LRRC17: variants seen among roughly 807,000 people sequenced by gnomAD.
LRRC17 encodes leucine-rich repeat-containing protein 17.
Under a neutral mutation model 41.5 loss-of-function variants are expected in LRRC17, and 33 were observed. That is an observed-to-expected ratio of 0.80 (90% confidence interval 0.60 to 1.06). LRRC17 has a LOEUF of 1.06. Ranked by LOEUF, LRRC17 falls within the 50% of genes least tolerant of loss-of-function variation. The pLI is 0.00. For missense variants in LRRC17, 491 were observed against 519.3 expected, an observed-to-expected ratio of 0.95 and a Z score of 0.53; for synonymous variants, 192 against 197.0, an observed-to-expected ratio of 0.97 and a Z score of 0.21.
intron 1 of LRRC17, among the ~76,000 whole-genome samples, chr7:102,924,425 GTA>G (rs546616352): frequency 3.3e-5 from 5 of 151,974 alleles, no homozygotes; most frequent in Non-Finnish European, 5.9e-5. Flanking sequence ...ATAAGCAAAT[GTA>G]TATTAAATGC....
chr7:102,920,936 G>A lies in LRRC17; in HGVS notation c.-141+7791G>A, dbSNP rs573971807. On this transcript the variant is annotated intron_variant, in intron 1 of 3. Coordinates refer to ENST00000339431, the MANE Select transcript of LRRC17 (RefSeq NM_001031692.3). ...TGGGAGGCCGAGGTGGGCGGATCAC[G>A]AGGTCAGGAGTTCGAGACCGGCCTG... is the stretch of plus-strand genomic sequence containing the variant. Among the ~76,000 whole-genome samples the A allele has an allele frequency of 1.1e-4, 16 of 150,840 alleles. No individual in the cohort carries two copies. The South Asian group carries it at 2.7e-3, about 26-fold the overall frequency.
rs142514439 is a variant in LRRC17 at position 102,920,956 on chromosome 7, G to A, written c.-141+7811G>A. Among the ~76,000 whole-genome samples, 571 of 151,440 alleles carry A rather than the reference G, an allele frequency of 3.8e-3. 5 individuals are homozygous for A. Among genetic ancestry groups the A allele is most frequent in the African/African-American group, 0.014 (562 of 41,296 alleles). Reference sequence around the variant, plus strand: ...ATCACGAGGTCAGGAGTTCGAGACCGGCCTGGCCAACATGATGAAACCCTG... The same window carrying A: ...ATCACGAGGTCAGGAGTTCGAGACCAGCCTGGCCAACATGATGAAACCCTG... On this transcript the variant is annotated intron_variant, in intron 1 of 3. Transcript: ENST00000339431.
At position 102,944,598 on chromosome 7, in the gene LRRC17, A is replaced by G; in HGVS notation, c.1317A>G (p.Ile439Met). ...TAKKQSVIIT[I>M]VG is the part of the protein sequence containing the mutation. ...AGAAGCAAAGCGTAATAATTACTATAGTAGGATAAGGTAGAAATTGTTCTG... is the reference window on the plus strand; with the variant it reads ...AGAAGCAAAGCGTAATAATTACTATGGTAGGATAAGGTAGAAATTGTTCTG... The change falls in exon 4 of 4, where the codon ATA (isoleucine) becomes ATG (methionine). Residue 439 changes from isoleucine (I) to methionine (M), a missense_variant. Ile to Met is a conservative substitution (Grantham distance 10, BLOSUM62 1). Coordinates refer to ENST00000339431, the MANE Select transcript of LRRC17 (RefSeq NM_001031692.3). The G allele has an allele frequency of 6.3e-7, 1 of 1,598,946 alleles. No individual in the cohort carries two copies. Among genetic ancestry groups the G allele is most frequent in the Non-Finnish European group, 8.5e-7 (1 of 1,175,168 alleles).
chr7:102,926,144 T>C, intron 1 of LRRC17: 1 of 702,484 alleles, frequency 1.4e-6, no homozygotes, highest in South Asian at 1.9e-5. Context: ...GCAGACCCCT[T>C]ATCAGAAAAG....
chr7:102,940,296 G>A (rs1227799250), intron 3 of LRRC17, among the ~76,000 whole-genome samples: 8 of 150,676 alleles, frequency 5.3e-5, no homozygotes, highest in East Asian at 2.0e-4. Context: ...TGCAAGCTCC[G>A]CCTCCCAGGT....
In LRRC17 at chr7:102,934,002, T is replaced by A. The variant is rs776421852; in HGVS notation, c.89T>A (p.Val30Glu). 17 of 1,613,924 alleles carry A rather than the reference T, an allele frequency of 1.1e-5. No individual in the cohort carries two copies. Among genetic ancestry groups the A allele is most frequent in the Non-Finnish European group, 1.4e-5 (17 of 1,179,972 alleles). Reference sequence around the variant, plus strand: ...AGCCCAGGCAGTGTGAGAAGCCGAGTGAATCATGGCCGGGCGGGTGGAGGC... The same window carrying A: ...AGCCCAGGCAGTGTGAGAAGCCGAGAGAATCATGGCCGGGCGGGTGGAGGC... Reference protein sequence around the residue: ...KASPGSVRSRVNHGRAGGGRR... With the variant: ...KASPGSVRSRENHGRAGGGRR... Residue 30 changes from valine to glutamate, a missense_variant, in exon 2 of 4, where the codon GTG becomes GAG. Val to Glu is a moderately radical substitution (Grantham distance 121). Transcript: ENST00000339431.
chr7:102,924,178 C>T (rs1385491401), intron 1 of LRRC17, among the ~76,000 whole-genome samples: 8 of 148,866 alleles, frequency 5.4e-5, no homozygotes, highest in South Asian at 4.2e-4. Context: ...GCGAAGGTTG[C>T]GGTGAGCTGA....
In LRRC17 at chr7:102,913,094, A is replaced by G. The variant is rs902299678; in HGVS notation, c.-192A>G. 3 of 1,614,084 alleles carry G rather than the reference A, an allele frequency of 1.9e-6. No homozygotes were observed. The African/African-American group carries it at 4.0e-5, about 22-fold the overall frequency. On this transcript the variant is annotated 5_prime_UTR_variant, in exon 1 of 4. Transcript: ENST00000339431. ...AAGACTGAAAGACAAACCTGGGTGCAGCCAGAGAGGTCCAGATAGATGAGC... is the reference window on the plus strand; with the variant it reads ...AAGACTGAAAGACAAACCTGGGTGCGGCCAGAGAGGTCCAGATAGATGAGC...
intron 3 of LRRC17, among the ~76,000 whole-genome samples, chr7:102,943,172 G>A (rs1351449085): frequency 6.6e-6 from 1 of 152,034 alleles, no homozygotes; most frequent in Non-Finnish European, 1.5e-5. Flanking sequence ...CCCAACACTG[G>A]GAAAAGGTTG....
intron 3 of LRRC17, 24 bp downstream of exon 3, chr7:102,939,609 T>C: frequency 6.3e-7 from 1 of 1,580,172 alleles, no homozygotes; most frequent in African/African-American, 1.4e-5. Context: ...TATAGCCCCT[T>C]CAATGGGTGG....
intron 1 of LRRC17, among the ~76,000 whole-genome samples, chr7:102,927,551 A>G (rs1360321720): frequency 6.6e-6 from 1 of 152,230 alleles, no homozygotes; most frequent in African/African-American, 2.4e-5. Flanking sequence ...AGCATCTGTC[A>G]CACTCAGATA....
intron 1 of LRRC17, among the ~76,000 whole-genome samples, chr7:102,926,556 A>G (rs1818173992): frequency 6.6e-6 from 1 of 152,226 alleles, no homozygotes; most frequent in Non-Finnish European, 1.5e-5. Flanking sequence ...GCTTTTGCTC[A>G]AAGCATCATT....
intron 1 of LRRC17, among the ~76,000 whole-genome samples, chr7:102,917,385 TA>T (rs2129469776): frequency 6.6e-6 from 1 of 152,302 alleles, no homozygotes; most frequent in South Asian, 2.1e-4. Context: ...AAGATCATAA[TA>T]GCTTTACTCA....
intron 1 of LRRC17, among the ~76,000 whole-genome samples, chr7:102,931,263 G>A (rs1472460025): frequency 1.3e-5 from 2 of 152,224 alleles, no homozygotes; most frequent in Non-Finnish European, 2.9e-5. Flanking sequence ...CACAGAAACT[G>A]AAACAAGTGA....
At chr7:102,926,154 GCAGTGCCA>G (rs1269297378) in intron 1 of LRRC17, 1 of 741,592 alleles carries the variant, frequency 1.3e-6, no homozygotes, top group African/African-American at 1.8e-5. Context: ...TATCAGAAAA[GCAGTGCCA>G]CAGTGGTGGG....
chr7:102,932,085 A>G (rs1026327373), intron 1 of LRRC17: 10 of 638,854 alleles, frequency 1.6e-5, no homozygotes, highest in Admixed American at 3.4e-5. Flanking sequence ...CTTTCCCCAG[A>G]AAAATGGCTT....
chr7:102,935,941 G>A (rs747463275), intron 2 of LRRC17, among the ~76,000 whole-genome samples: 7 of 152,114 alleles, frequency 4.6e-5, no homozygotes, highest in Non-Finnish European at 7.3e-5. Flanking sequence ...TGTTAGGCAG[G>A]AATTTATTAA....
chr7:102,928,161 C>T (rs1222028153), intron 1 of LRRC17, among the ~76,000 whole-genome samples: 1 of 152,136 alleles, frequency 6.6e-6, no homozygotes, highest in East Asian at 1.9e-4. Flanking sequence ...AAAATTAGAC[C>T]ACTCCCATTC....
chr7:102,931,491 A>G (rs926739400), intron 1 of LRRC17, among the ~76,000 whole-genome samples: 6 of 152,344 alleles, frequency 3.9e-5, no homozygotes, highest in African/African-American at 1.2e-4. Flanking sequence ...GACAGGAACC[A>G]GGAAGAAAGC....
Sources: allele counts gnomAD v4.1 joint callset (sites outside exome capture counted in the v4.1 genomes callset), GRCh38; gene constraint gnomAD v4.1.1; transcripts MANE v1.5; gene names NCBI Gene and HGNC (gene_info 2026-07-23, HGNC 2026-07-21).